Variants in CALN1 observed in about 807,000 individuals in gnomAD.
CALN1 encodes calcium-binding protein 8.
A neutral mutation model predicts 30.6 loss-of-function variants in CALN1; 17 were observed. The ratio of observed to expected loss-of-function variants is 0.56; its 90% CI spans 0.38 to 0.83. CALN1 has a LOEUF of 0.83. Ranked by LOEUF, CALN1 falls within the 40% of genes least tolerant of loss-of-function variation. CALN1 has a pLI of 0.00. For synonymous variants in CALN1, 156 were observed against 131.4 expected, an observed-to-expected ratio of 1.19 and a Z score of -1.28; for missense variants, 291 against 354.9, an observed-to-expected ratio of 0.82 and a Z score of 1.45.
intron 5 of CALN1, among the ~76,000 whole-genome samples, chr7:71,865,859 T>C (rs1791553353): frequency 6.6e-6 from 1 of 152,206 alleles, no homozygotes. Context: ...TAATATTTAA[T>C]GATGTGACAA....
At chr7:72,326,991 T>A (rs998114442) in intron 2 of CALN1, among the ~76,000 whole-genome samples, 1 of 152,214 alleles carries the variant, frequency 6.6e-6, no homozygotes, top group Non-Finnish European at 1.5e-5. Context: ...CAAAAGGATA[T>A]GTTTAGTTAA....
intron 2 of CALN1, among the ~76,000 whole-genome samples, chr7:72,392,922 C>T (rs1805670103): frequency 1.3e-5 from 2 of 151,932 alleles, no homozygotes; most frequent in Admixed American, 1.3e-4. Context: ...CTGTTTGATC[C>T]CAGAAGTTCA....
chr7:72,296,713 CT>C (rs1262747982), intron 2 of CALN1, among the ~76,000 whole-genome samples: 2 of 148,104 alleles, frequency 1.4e-5, no homozygotes, highest in Non-Finnish European at 3.0e-5. Flanking sequence ...GTGATATCCC[CT>C]TTATCATTTT....
intron 3 of CALN1, among the ~76,000 whole-genome samples, chr7:72,149,390 C>T (rs2129544051): frequency 6.6e-6 from 1 of 152,182 alleles, no homozygotes; most frequent in Non-Finnish European, 1.5e-5. Flanking sequence ...ATCATTTGAA[C>T]CCAGAGGTGG....
At chr7:72,037,679 T>C (rs1284289833) in intron 4 of CALN1, among the ~76,000 whole-genome samples, 1 of 152,196 alleles carries the variant, frequency 6.6e-6, no homozygotes, top group East Asian at 1.9e-4. Context: ...GTGTGCAAGC[T>C]ACTCCTGGAA....
At chr7:72,396,646 A>G (rs1805982035) in intron 2 of CALN1, among the ~76,000 whole-genome samples, 1 of 152,164 alleles carries the variant, frequency 6.6e-6, no homozygotes, top group East Asian at 1.9e-4. Context: ...AGAGAGGGGC[A>G]AAGACAGAGC....
chr7:72,118,012 C>G (rs1469970375), intron 3 of CALN1, among the ~76,000 whole-genome samples: 1 of 151,526 alleles, frequency 6.6e-6, no homozygotes, highest in Non-Finnish European at 1.5e-5. Flanking sequence ...GAACAGACAG[C>G]AGGCAGTGTT....
At chr7:72,470,702 T>C in the CALN1 span, among the ~76,000 whole-genome samples, 472 of 150,214 alleles carry the variant, frequency 3.1e-3, 2 homozygotes, top group African/African-American at 0.011. Context: ...AAATATGTCA[T>C]ATGTTGTGTG....
chr7:72,264,933 C>T (rs990953884), intron 3 of CALN1, among the ~76,000 whole-genome samples: 17 of 152,128 alleles, frequency 1.1e-4, no homozygotes, highest in Non-Finnish European at 2.9e-5. Flanking sequence ...TGGGAACATG[C>T]AGTATTTGGT....
At chr7:72,086,924 T>C (rs1700304541) in intron 4 of CALN1, among the ~76,000 whole-genome samples, 1 of 152,174 alleles carries the variant, frequency 6.6e-6, no homozygotes, top group South Asian at 2.1e-4. Flanking sequence ...TGAAAAGACC[T>C]GACTTCATCA....
intron 3 of CALN1, among the ~76,000 whole-genome samples, chr7:72,181,692 G>C (rs1471892847): frequency 6.6e-6 from 1 of 152,128 alleles, no homozygotes; most frequent in Non-Finnish European, 1.5e-5. Flanking sequence ...GGCCAGGCTG[G>C]TCTCGAACTC....
intron 3 of CALN1, among the ~76,000 whole-genome samples, chr7:72,188,289 A>G (rs1185725303): frequency 2.0e-5 from 3 of 152,196 alleles, no homozygotes; most frequent in South Asian, 2.1e-4. Context: ...AAATACACAC[A>G]TATGTACATG....
intron 3 of CALN1, among the ~76,000 whole-genome samples, chr7:72,211,176 C>A (rs369664068): frequency 3.9e-5 from 6 of 152,156 alleles, no homozygotes; most frequent in Admixed American, 3.3e-4. Context: ...ATTCTCCAGG[C>A]TGGCCCCAAC....
chr7:72,366,693 A>G (rs1393133076), intron 2 of CALN1, among the ~76,000 whole-genome samples: 3 of 152,154 alleles, frequency 2.0e-5, no homozygotes, highest in African/African-American at 7.2e-5. Flanking sequence ...ATTAATTGAC[A>G]TGAAAAAAGT....
intron 3 of CALN1, among the ~76,000 whole-genome samples, chr7:72,183,652 C>G (rs1394053566): frequency 6.6e-6 from 1 of 152,168 alleles, no homozygotes; most frequent in African/African-American, 2.4e-5. Flanking sequence ...TAATACATGA[C>G]AGAGTGTATT....
chr7:72,332,025 T>C (rs1304746723), intron 2 of CALN1, among the ~76,000 whole-genome samples: 1 of 152,350 alleles, frequency 6.6e-6, no homozygotes, highest in East Asian at 1.9e-4. Flanking sequence ...GCAAAGGACA[T>C]GAACTCATCA....
At chr7:72,481,942 T>A in the CALN1 span, among the ~76,000 whole-genome samples, 2 of 152,204 alleles carry the variant, frequency 1.3e-5, no homozygotes, top group Non-Finnish European at 2.9e-5. Context: ...TCTTTATTGA[T>A]TTTCTGTCTA....
At chr7:72,202,081 G>C (rs570087577) in intron 3 of CALN1, among the ~76,000 whole-genome samples, 24 of 152,280 alleles carry the variant, frequency 1.6e-4, no homozygotes, top group African/African-American at 5.8e-4. Flanking sequence ...AACATCTATA[G>C]TGAGAGAGCC....
At chr7:71,863,862 T>A (rs1403480785) in intron 5 of CALN1, among the ~76,000 whole-genome samples, 1 of 152,202 alleles carries the variant, frequency 6.6e-6, no homozygotes, top group East Asian at 1.9e-4. Context: ...CAGCTCTCTC[T>A]CTTTTTTGAG....
Sources: gnomAD v4.1 joint callset for allele counts (sites outside exome capture counted in the v4.1 genomes callset) on GRCh38, gnomAD v4.1.1 for gene constraint, MANE v1.5 for transcripts, NCBI Gene and HGNC (gene_info 2026-07-23, HGNC 2026-07-21) for gene names.